Variants in ACOT7 observed in about 807,000 individuals in gnomAD.
ACOT7 encodes cytosolic acyl coenzyme A thioester hydrolase.
Under a neutral mutation model 40.2 loss-of-function variants are expected in ACOT7, and 12 were observed. That is an observed-to-expected ratio of 0.30 (90% CI 0.19 to 0.48). The LOEUF (loss-of-function observed/expected upper bound fraction) is 0.48. Ranked by LOEUF, ACOT7 falls within the 20% of genes least tolerant of loss-of-function variation. The pLI, the probability that ACOT7 is intolerant of heterozygous loss-of-function variation, is 0.99. For synonymous variants in ACOT7, 228 were observed against 219.5 expected (o/e 1.04, Z -0.34); for missense variants, 395 against 530.8 (o/e 0.74, Z 2.51).
intron 6 of ACOT7, among the ~76,000 whole-genome samples, chr1:6,303,426 G>GT (rs1640025063): frequency 6.6e-6 from 1 of 152,018 alleles, no homozygotes; most frequent in Non-Finnish European, 1.5e-5. Context: ...TTTGTTTTGT[G>GT]TTTTTTTGTT....
Position 6,358,824 on chromosome 1 carries a change from A to C in ACOT7, c.144-8958T>G. On this transcript the variant is annotated intron_variant, in intron 1 of 8. Coordinates refer to ENST00000361521, the MANE Select transcript of ACOT7 (RefSeq NM_007274.4). This position sits in a 1 kb window ranked among gnomAD's most constrained non-coding sequence, Gnocchi z 4.1. ...CCTAGACATGCCCATGACTGGCAGTACCTGCTCAGCTGGAAAGCCATGGTG... is the reference window on the plus strand; with the variant it reads ...CCTAGACATGCCCATGACTGGCAGTCCCTGCTCAGCTGGAAAGCCATGGTG... 6.2e-7 allele frequency: 1 copy of C among 1,613,914 alleles called. No individual in the cohort carries two copies. The highest frequency in any genetic ancestry group is 1.3e-5 in the African/African-American group (1 of 75,054).
chr1:6,323,731 AAAAAAAATATATATATATATATATAT>A (rs1315715814), intron 5 of ACOT7, among the ~76,000 whole-genome samples: 1 of 90,152 alleles, frequency 1.1e-5, no homozygotes, highest in Non-Finnish European at 2.1e-5. Flanking sequence ...AAAAAAAAAA[AAAAAAAATATATATATATATATATAT>A]ATATATATAT....
chr1:6,268,578 C>T (rs1378443270), intron 8 of ACOT7, among the ~76,000 whole-genome samples: 2 of 152,356 alleles, frequency 1.3e-5, no homozygotes, highest in South Asian at 2.1e-4. Flanking sequence ...GCGCGATTTT[C>T]CCCACTCCCC....
chr1:6,276,886 A>T (rs1048801304), intron 8 of ACOT7, among the ~76,000 whole-genome samples: 1 of 152,098 alleles, frequency 6.6e-6, no homozygotes, highest in African/African-American at 2.4e-5. Flanking sequence ...TGACGCGGCC[A>T]CACCCAGGGG....
At chr1:6,286,418 G>A (rs1234807160) in intron 7 of ACOT7, among the ~76,000 whole-genome samples, 4 of 152,164 alleles carry the variant, frequency 2.6e-5, no homozygotes, top group Non-Finnish European at 5.9e-5. Context: ...ATGACAAAGT[G>A]TCTCATCAGG....
chr1:6,325,852 C>T (rs1315091466), intron 5 of ACOT7, among the ~76,000 whole-genome samples: 1 of 152,156 alleles, frequency 6.6e-6, no homozygotes, highest in East Asian at 1.9e-4. Context: ...AACAATGCCC[C>T]GAGTCCAGGT....
At position 6,358,818 on chromosome 1, in the gene ACOT7, G is replaced by T. The variant is rs749399808; in HGVS notation, c.144-8952C>A. The T allele has an allele frequency of 9.3e-6, 15 of 1,613,414 alleles. No individual in the cohort carries two copies. In the South Asian group the frequency reaches 1.4e-4, roughly 15 times the overall value. ...GCACGGCCTAGACATGCCCATGACT[G>T]GCAGTACCTGCTCAGCTGGAAAGCC... On this transcript the variant is annotated intron_variant, in intron 1 of 8. Coordinates refer to ENST00000361521, the MANE Select transcript of ACOT7 (RefSeq NM_007274.4). The surrounding 1 kb of genome is among the most constrained non-coding windows in gnomAD (Gnocchi z 4.1).
At chr1:6,357,978 T>C (rs936582298) in intron 1 of ACOT7, among the ~76,000 whole-genome samples, 10 of 151,908 alleles carry the variant, frequency 6.6e-5, no homozygotes, top group African/African-American at 2.4e-4. Flanking sequence ...GTGATTCTCC[T>C]ACCTCAGCCT....
intron 1 of ACOT7, among the ~76,000 whole-genome samples, chr1:6,361,468 A>G (rs368140474): frequency 6.6e-6 from 1 of 152,250 alleles, no homozygotes; most frequent in Admixed American, 6.5e-5. Context: ...CAAAAAGGGT[A>G]GACTCAATAG....
At chr1:6,363,809 T>C (rs57798837) in intron 1 of ACOT7, among the ~76,000 whole-genome samples, 1,731 of 152,220 alleles carry the variant, frequency 0.011, 41 homozygotes, top group African/African-American at 0.039. Flanking sequence ...GTGGTAGTTG[T>C]CCCCCGGGCC....
chr1:6,320,482 G>A (rs748109760), intron 5 of ACOT7, among the ~76,000 whole-genome samples: 56 of 152,186 alleles, frequency 3.7e-4, no homozygotes, highest in Admixed American at 2.5e-3. Context: ...TCCAAATGTT[G>A]GAGATGCGGG....
intron 1 of ACOT7, among the ~76,000 whole-genome samples, chr1:6,377,753 C>A (rs536490436): frequency 1.3e-5 from 2 of 152,182 alleles, no homozygotes; most frequent in Admixed American, 1.3e-4. Flanking sequence ...CAAAGAAACA[C>A]ACAAACATCA....
intron 1 of ACOT7, among the ~76,000 whole-genome samples, chr1:6,377,831 T>G (rs914808121): frequency 2.0e-5 from 3 of 152,102 alleles, no homozygotes; most frequent in Non-Finnish European, 2.9e-5. Flanking sequence ...AGCACTTTGG[T>G]AAGCCTAGGC....
intron 3 of ACOT7, among the ~76,000 whole-genome samples, chr1:6,335,560 C>T (rs932780250): frequency 6.6e-5 from 10 of 152,166 alleles, no homozygotes; most frequent in Non-Finnish European, 2.9e-5. Context: ...GAGCAAACTG[C>T]AGGAAGTAAT....
At chr1:6,276,550 A>G (rs1252503461) in intron 8 of ACOT7, among the ~76,000 whole-genome samples, 1 of 151,990 alleles carries the variant, frequency 6.6e-6, no homozygotes, top group Non-Finnish European at 1.5e-5. Context: ...TGGGGAAGGG[A>G]GCTAAAAATA....
intron 3 of ACOT7, among the ~76,000 whole-genome samples, chr1:6,334,434 G>C (rs945294139): frequency 3.9e-5 from 6 of 152,246 alleles, no homozygotes; most frequent in African/African-American, 7.2e-5. Context: ...TGCCCAGGCA[G>C]AGCAGCCCAG....
At position 6,282,817 on chromosome 1, in the gene ACOT7, T is replaced by C. The variant is rs1421084590; in HGVS notation, c.830-1531A>G. ...GTGAGCTGTAAGGTACAGAGTCCCA[T>C]GCAAAGCGCCCGCAGTCACAAGACG... is the stretch of plus-strand genomic sequence containing the variant. On this transcript the variant is annotated intron_variant, in intron 7 of 8. Coordinates refer to ENST00000361521, the MANE Select transcript of ACOT7 (RefSeq NM_007274.4). This position sits in a 1 kb window ranked among gnomAD's most constrained non-coding sequence, Gnocchi z 4.5. 7.7e-7 allele frequency: 1 copy of C among 1,303,882 alleles called. No homozygotes were observed. Among genetic ancestry groups the C allele is most frequent in the Non-Finnish European group, 1.0e-6 (1 of 988,646 alleles). 80.8% of individuals were successfully genotyped at this position (1,303,882 alleles called of 1,614,324 possible).
At chr1:6,333,604 G>A (rs910783850) in intron 3 of ACOT7, 36 bp from the exon 4 acceptor site, 2 of 1,608,412 alleles carry the variant, frequency 1.2e-6, no homozygotes, top group African/African-American at 2.7e-5. Flanking sequence ...TGACGCCCGG[G>A]AGACGGGGTG....
At chr1:6,273,704 CCAAA>C (rs1340491763) in intron 8 of ACOT7, among the ~76,000 whole-genome samples, 21 of 152,398 alleles carry the variant, frequency 1.4e-4, no homozygotes, top group South Asian at 4.1e-4. Context: ...CCAATCTTGG[CCAAA>C]CAAACAAAGG....
Sources: allele counts gnomAD v4.1 joint callset (sites outside exome capture counted in the v4.1 genomes callset), GRCh38; gene constraint gnomAD v4.1.1; non-coding constraint Gnocchi (gnomAD v3.1); transcripts MANE v1.5; gene names NCBI Gene and HGNC (gene_info 2026-07-23, HGNC 2026-07-21).